Variants in CFAP46 observed in about 807,000 individuals in gnomAD.
The protein encoded by CFAP46 is cilia and flagella associated protein 46.
Under a neutral mutation model 325.7 loss-of-function variants are expected in CFAP46, and 245 were observed. The ratio of observed to expected loss-of-function variants is 0.75; its 90% CI spans 0.68 to 0.84. The LOEUF is 0.84. Ranked by LOEUF, CFAP46 falls within the 40% of genes least tolerant of loss-of-function variation. The pLI is 0.00. For missense variants in CFAP46, 3,346 were observed against 3,543.0 expected (o/e 0.94, Z 1.41); for synonymous variants, 1,523 against 1,495.9 (o/e 1.02, Z -0.42).
At chr10:132,908,359 T>G (rs2135523061) in intron 22 of CFAP46, 109 bp downstream of exon 22, 17 of 1,316,410 alleles carry the variant, frequency 1.3e-5, no homozygotes, top group Non-Finnish European at 1.6e-5. Flanking sequence ...CCCTGCCCGT[T>G]TTGGGGAACT....
chr10:132,845,942 T>G, intron 44 of CFAP46, 115 bp downstream of exon 44: 13 of 1,181,460 alleles, frequency 1.1e-5, no homozygotes, highest in Admixed American at 2.4e-5. Context: ...GGATGGCTCA[T>G]GAGCTGGGGG....
chr10:132,814,089 G>A (rs11146529), intron 54 of CFAP46, 63 bp downstream of exon 54: 854,484 of 1,345,388 alleles, frequency 0.64, 276,769 homozygotes, highest in African/African-American at 0.93. Context: ...GGGGGCAGTG[G>A]CTCCCCGCTG....
intron 22 of CFAP46, among the ~76,000 whole-genome samples, chr10:132,902,180 CGT>C (rs1360934639): frequency 1.6e-4 from 24 of 151,970 alleles, no homozygotes; most frequent in Admixed American, 9.8e-4. Context: ...TGTTTTCAAA[CGT>C]GTGTATTTTG....
At position 132,876,837 on chromosome 10, in the gene CFAP46, A is replaced by G. The variant is rs1330193843; in HGVS notation, c.4337T>C (p.Val1446Ala). 6.5e-7 allele frequency: 1 copy of G among 1,550,042 alleles called. No homozygotes were observed. Among genetic ancestry groups the G allele is most frequent in the East Asian group, 2.4e-5 (1 of 40,934 alleles). The change falls in exon 31 of 58, where the codon GTG (valine) becomes GCG (alanine). Residue 1446 changes from valine (V) to alanine (A), a missense_variant. Physicochemically the swap from Val to Ala is moderately conservative, Grantham distance 64. Coordinates refer to ENST00000368586, the MANE Select transcript of CFAP46 (RefSeq NM_001200049.3). The surrounding 1 kb of genome is among the most constrained non-coding windows in gnomAD (Gnocchi z 4.1). Reference sequence around the variant, plus strand: ...CGGCTTCTGGATACTTGAGGGGTTCACAGTAGAGTCACTTCTGTCCTGTTT... The same window carrying G: ...CGGCTTCTGGATACTTGAGGGGTTCGCAGTAGAGTCACTTCTGTCCTGTTT... ...VLKQDRSDSTVNPSSIQKPTY... is the reference protein window; with the variant it reads ...VLKQDRSDSTANPSSIQKPTY...
chr10:132,866,925 C>T lies in CFAP46; in HGVS notation c.4743+450G>A, dbSNP rs544042960. Among the ~76,000 whole-genome samples the T allele has an allele frequency of 3.3e-5, 5 of 152,354 alleles. No homozygotes were observed. The South Asian group carries it at 6.2e-4, about 19-fold the overall frequency. ...AGTTCTGTCAGATGACCGGGACCTC[C>T]AGGCGGAGCTCCCTCTTCGCTGCCC... On this transcript the variant is annotated intron_variant, in intron 34 of 57. Coordinates refer to ENST00000368586, the MANE Select transcript of CFAP46 (RefSeq NM_001200049.3).
intron 26 of CFAP46, 46 bp downstream of exon 26, chr10:132,885,775 T>G: frequency 7.6e-7 from 1 of 1,317,350 alleles, no homozygotes. Context: ...GGGGGAGCAC[T>G]CAGGCGGTGG....
chr10:132,846,599 G>A (rs951280957), intron 43 of CFAP46, among the ~76,000 whole-genome samples: 4 of 151,958 alleles, frequency 2.6e-5, no homozygotes, highest in African/African-American at 9.7e-5. Flanking sequence ...GGTCCACACG[G>A]ACAGGGACCT....
Position 132,864,680 on chromosome 10 carries a change from C to T in CFAP46, c.4890+1345G>A, listed in dbSNP as rs200149312. Among the ~76,000 whole-genome samples, 9 of 149,010 alleles carry T rather than the reference C, an allele frequency of 6.0e-5. No individual in the cohort carries two copies. The East Asian group carries it at 1.7e-3, about 28-fold the overall frequency. On this transcript the variant is annotated intron_variant, in intron 35 of 57. Transcript: ENST00000368586. The stretch of plus-strand genomic sequence containing the variant: ...ACACACCTGTCCCCAGTGCCCGAGA[C>T]CTGCACACACCTGTCCCCCTGCCTG...
At chr10:132,920,012 C>A (rs1849697348) in intron 14 of CFAP46, 47 bp downstream of exon 14, 2 of 1,464,074 alleles carry the variant, frequency 1.4e-6, no homozygotes, top group Non-Finnish European at 1.8e-6. Context: ...GGCTGAGCGA[C>A]CCCCGGGCTG....
chr10:132,910,734 G>A (rs11146587), intron 19 of CFAP46, among the ~76,000 whole-genome samples: 3,478 of 152,306 alleles, frequency 0.023, 63 homozygotes, highest in East Asian at 0.066. Flanking sequence ...CCTGCTCCTT[G>A]CAAAACGTCT....
At position 132,814,618 on chromosome 10, in the gene CFAP46, T is replaced by A. The variant is rs1251322550; in HGVS notation, c.7250-6A>T. The stretch of plus-strand genomic sequence containing the variant: ...CTCGTATGGGTCCACGACGACTGGG[T>A]CCCGGTCAAGGAGAAACGGGAGCAC... On this transcript the variant is annotated splice_polypyrimidine_tract_variant and splice_region_variant and intron_variant, in intron 52 of 57. Transcript: ENST00000368586. 5 of 1,576,966 alleles carry A rather than the reference T, an allele frequency of 3.2e-6. No homozygotes were observed. Among genetic ancestry groups the A allele is most frequent in the Non-Finnish European group, 4.3e-6 (5 of 1,161,790 alleles).
At chr10:132,920,878 C>A (rs926667838) in intron 13 of CFAP46, among the ~76,000 whole-genome samples, 1 of 152,244 alleles carries the variant, frequency 6.6e-6, no homozygotes, top group Non-Finnish European at 1.5e-5. Flanking sequence ...GACCCCCAGG[C>A]AGCCAGCAGC....
chr10:132,821,123 GTGTGTGCTGA>G (rs1405599192), intron 50 of CFAP46, among the ~76,000 whole-genome samples: 3 of 134,764 alleles, frequency 2.2e-5, no homozygotes, highest in African/African-American at 8.3e-5. Flanking sequence ...TGTGTGCTGT[GTGTGTGCTGA>G]TGTGTGCTGT....
At chr10:132,854,414 G>A (rs1848609501) in intron 39 of CFAP46, among the ~76,000 whole-genome samples, 1 of 152,176 alleles carries the variant, frequency 6.6e-6, no homozygotes, top group Non-Finnish European at 1.5e-5. Context: ...GCCACTCACT[G>A]CAAGCTCTTC....
In CFAP46 at chr10:132,869,185, G is replaced by A. The variant is rs1848860534; in HGVS notation, c.4610+89C>T. 5 of 1,100,586 alleles carry A rather than the reference G, an allele frequency of 4.5e-6. No individual in the cohort carries two copies. The highest frequency in any genetic ancestry group is 6.3e-6 in the Non-Finnish European group (5 of 788,414). 68.2% of individuals were successfully genotyped at this position (1,100,586 alleles called of 1,614,324 possible). On this transcript the variant is annotated intron_variant, in intron 33 of 57. Transcript: ENST00000368586. The surrounding 1 kb of genome is among the most constrained non-coding windows in gnomAD (Gnocchi z 6.2). ...CTCCCCAGAGGGGCAGGAGTCCAGG[G>A]AAGAGGGTGGCCGCGCAGCTGGCTT...
Position 132,817,084 on chromosome 10 carries a change from T to G in CFAP46, c.7118-2170A>C, listed in dbSNP as rs1484521393. Among the ~76,000 whole-genome samples the G allele has an allele frequency of 6.6e-6, 1 of 152,238 alleles. No individual in the cohort carries two copies. Among genetic ancestry groups the G allele is most frequent in the Non-Finnish European group, 1.5e-5 (1 of 68,048 alleles). Reference sequence around the variant, plus strand: ...TTTTGCTCTTTGTCTGGACCGTCAGTAATCCAGGCGTGGTAAAATCTCCCA... The same window carrying G: ...TTTTGCTCTTTGTCTGGACCGTCAGGAATCCAGGCGTGGTAAAATCTCCCA... On this transcript the variant is annotated intron_variant, in intron 50 of 57. Transcript: ENST00000368586. The surrounding 1 kb of genome is among the most constrained non-coding windows in gnomAD (Gnocchi z 4.4).
At chr10:132,853,896 C>CT (rs1342038716) in intron 39 of CFAP46, among the ~76,000 whole-genome samples, 2 of 152,046 alleles carry the variant, frequency 1.3e-5, no homozygotes, top group Non-Finnish European at 1.5e-5. Context: ...TTTATGTCAT[C>CT]TTTTTTTTCT....
intron 9 of CFAP46, among the ~76,000 whole-genome samples, chr10:132,926,934 C>G (rs1320873327): frequency 6.6e-6 from 1 of 152,234 alleles, no homozygotes; most frequent in Non-Finnish European, 1.5e-5. Context: ...GGCCTTGTCC[C>G]GGCCCCCAAC....
chr10:132,882,962 G>A (rs776569334), intron 27 of CFAP46, among the ~76,000 whole-genome samples: 1 of 152,102 alleles, frequency 6.6e-6, no homozygotes, highest in Non-Finnish European at 1.5e-5. Context: ...AGGAGTGCCG[G>A]GGACCCTGCC....
Sources: gnomAD v4.1 joint callset for allele counts (sites outside exome capture counted in the v4.1 genomes callset) on GRCh38, gnomAD v4.1.1 for gene constraint, Gnocchi (gnomAD v3.1) non-coding constraint, MANE v1.5 for transcripts, NCBI Gene and HGNC (gene_info 2026-07-23, HGNC 2026-07-21) for gene names.